The following GABBR2 variants were observed in gnomAD, a reference collection of about 807,000 sequenced individuals.
The protein encoded by GABBR2 is G-protein coupled receptor 51.
GABBR2 carries 23 observed loss-of-function variants against 105.6 expected under a neutral mutation model. The ratio of observed to expected loss-of-function variants is 0.22; its 90% CI spans 0.16 to 0.31. GABBR2 has a LOEUF of 0.31. Among genes scored for constraint, GABBR2 ranks in the 10% least tolerant of loss-of-function variants. GABBR2 has a pLI of 1.00. For missense variants in GABBR2, 734 were observed against 1,245.5 expected (o/e 0.59, Z 6.18); for synonymous variants, 478 against 499.7 (o/e 0.96, Z 0.58).
At chr9:98,689,797 T>C (rs1054634522) in intron 1 of GABBR2, among the ~76,000 whole-genome samples, 10 of 152,248 alleles carry the variant, frequency 6.6e-5, no homozygotes, top group African/African-American at 2.4e-4. Flanking sequence ...AATTGGTTTC[T>C]TATACACATC....
chr9:98,376,246 G>A, intron 11 of GABBR2, among the ~76,000 whole-genome samples: 1 of 152,218 alleles, frequency 6.6e-6, no homozygotes, highest in Admixed American at 6.5e-5. Context: ...GGAGGGTGAA[G>A]GGCTTTCACT....
intron 8 of GABBR2, among the ~76,000 whole-genome samples, chr9:98,405,512 A>G (rs1832474719): frequency 6.6e-6 from 1 of 152,114 alleles, no homozygotes; most frequent in Non-Finnish European, 1.5e-5. Context: ...AATCTCATAA[A>G]CCTTTTAGAG....
intron 7 of GABBR2, among the ~76,000 whole-genome samples, chr9:98,435,167 G>A (rs1244363159): frequency 6.6e-6 from 1 of 152,202 alleles, no homozygotes; most frequent in East Asian, 1.9e-4. Context: ...ATGTTTTCCT[G>A]TGGGATCAGG....
intron 7 of GABBR2, among the ~76,000 whole-genome samples, chr9:98,425,578 C>A (rs771270033): frequency 6.6e-6 from 1 of 152,190 alleles, no homozygotes; most frequent in Non-Finnish European, 1.5e-5. Context: ...AGGCCAAGTG[C>A]CTAATTGGTC....
rs575712105 is a variant in GABBR2 at position 98,592,056 on chromosome 9, G to A, written c.322-13984C>T. 5.3e-5 allele frequency among the ~76,000 whole-genome samples: 8 copies of A among 152,324 alleles called. No homozygotes were observed. In the East Asian group the frequency reaches 7.7e-4, roughly 15 times the overall value. On this transcript the variant is annotated intron_variant, in intron 1 of 18. Coordinates refer to ENST00000259455, the MANE Select transcript of GABBR2 (RefSeq NM_005458.8). The stretch of plus-strand genomic sequence containing the variant: ...AGACACCTAGGAGCCCAAGCTAATG[G>A]AACAACCGCCATCTTGAATGCAGCC...
chr9:98,399,384 G>A (rs908468194), intron 8 of GABBR2, among the ~76,000 whole-genome samples: 2 of 151,078 alleles, frequency 1.3e-5, no homozygotes, highest in African/African-American at 4.9e-5. Flanking sequence ...CATCTTGGAT[G>A]CCACTGCTCT....
intron 7 of GABBR2, among the ~76,000 whole-genome samples, chr9:98,445,104 G>T (rs1826102700): frequency 6.6e-6 from 1 of 152,248 alleles, no homozygotes; most frequent in African/African-American, 2.4e-5. Context: ...TCAATCATTT[G>T]TGAATTTAAT....
chr9:98,316,567 G>C (rs1212567914), intron 13 of GABBR2, among the ~76,000 whole-genome samples: 8 of 152,172 alleles, frequency 5.3e-5, no homozygotes, highest in Admixed American at 5.2e-4. Context: ...GCCAGATACT[G>C]TTCTGGGCAT....
chr9:98,563,578 C>T (rs2779521), intron 2 of GABBR2, among the ~76,000 whole-genome samples: 43,231 of 152,082 alleles, frequency 0.28, 7,228 homozygotes, highest in East Asian at 0.49. Flanking sequence ...CAGAAGACAC[C>T]CCGGATGTGA....
intron 3 of GABBR2, among the ~76,000 whole-genome samples, chr9:98,503,394 T>C (rs1827444178): frequency 6.6e-6 from 1 of 152,108 alleles, no homozygotes; most frequent in Admixed American, 6.5e-5. Flanking sequence ...AGCACAGTGG[T>C]AACCCATGAT....
intron 1 of GABBR2, among the ~76,000 whole-genome samples, chr9:98,659,526 C>CTTTTT (rs149511264): frequency 4.5e-4 from 16 of 35,190 alleles, no homozygotes; most frequent in African/African-American, 1.0e-3. Flanking sequence ...CTTTTCTTTT[C>CTTTTT]TTTTTTTTTT....
intron 1 of GABBR2, among the ~76,000 whole-genome samples, chr9:98,625,818 A>T (rs1471333808): frequency 6.6e-6 from 1 of 152,220 alleles, no homozygotes; most frequent in African/African-American, 2.4e-5. Context: ...GAGCACCTCA[A>T]GAAGCAGGGA....
chr9:98,503,128 G>A (rs1827437932), intron 3 of GABBR2, among the ~76,000 whole-genome samples: 1 of 152,176 alleles, frequency 6.6e-6, no homozygotes, highest in Admixed American at 6.5e-5. Context: ...CAGGCTCCTG[G>A]GAGAGGCTGT....
At chr9:98,581,538 G>A (rs1829004310) in intron 1 of GABBR2, among the ~76,000 whole-genome samples, 1 of 150,050 alleles carries the variant, frequency 6.7e-6, no homozygotes, top group Non-Finnish European at 1.5e-5. Context: ...AGGGAGGGAG[G>A]AAAGATTAAG....
intron 1 of GABBR2, among the ~76,000 whole-genome samples, chr9:98,625,740 T>C (rs926130943): frequency 1.3e-5 from 2 of 152,154 alleles, no homozygotes; most frequent in Admixed American, 6.5e-5. Context: ...ATCCATATTC[T>C]CCTGTCCCCA....
At chr9:98,369,808 G>A (rs1831746738) in intron 12 of GABBR2, among the ~76,000 whole-genome samples, 1 of 152,074 alleles carries the variant, frequency 6.6e-6, no homozygotes, top group Admixed American at 6.5e-5. Context: ...CAGGGGGCTA[G>A]GGTGTGGTGG....
In GABBR2 at chr9:98,389,062, C is replaced by T. The variant is rs576503257; in HGVS notation, c.1379-58G>A. 48 of 1,494,938 alleles carry T rather than the reference C, an allele frequency of 3.2e-5. No homozygotes were observed. In the South Asian group the frequency reaches 4.8e-4, roughly 15 times the overall value. The allele number at this position is 1,494,938 out of a possible 1,614,324, so 92.6% of individuals were successfully genotyped here. On this transcript the variant is annotated intron_variant, in intron 9 of 18. Transcript: ENST00000259455. ...CAATGCAAGTCATTCCCCGAGAACA[C>T]CTTTGCCTTAGTGTCCCTGACATCC...
intron 17 of GABBR2, among the ~76,000 whole-genome samples, chr9:98,296,150 C>T (rs562841867): frequency 6.2e-4 from 95 of 152,272 alleles, no homozygotes; most frequent in Non-Finnish European, 5.1e-4. Context: ...GTCGTGAAGG[C>T]GGAGCCCGCA....
At chr9:98,611,540 T>C (rs1829506986) in intron 1 of GABBR2, among the ~76,000 whole-genome samples, 1 of 152,150 alleles carries the variant, frequency 6.6e-6, no homozygotes, top group African/African-American at 2.4e-5. Flanking sequence ...CTGGACAAGG[T>C]ATGTAAACCC....
Sources: gnomAD v4.1 joint callset for allele counts (sites outside exome capture counted in the v4.1 genomes callset) on GRCh38, gnomAD v4.1.1 for gene constraint, MANE v1.5 for transcripts, NCBI Gene and HGNC (gene_info 2026-07-23, HGNC 2026-07-21) for gene names.